Variants in BRI3 observed in about 807,000 individuals in gnomAD.
The protein encoded by BRI3 is membrane protein BRI3.
In BRI3, 6 loss-of-function variants were observed where a neutral mutation model predicts 12.8. The observed-to-expected ratio is 0.47, with a 90% CI of 0.26 to 0.93. The LOEUF is 0.93. Ranked by LOEUF, BRI3 falls within the 40% of genes least tolerant of loss-of-function variation. BRI3 has a pLI of 0.15. For synonymous variants in BRI3, 91 were observed against 76.1 expected (o/e 1.20, Z -1.02); for missense variants, 134 against 171.1 (o/e 0.78, Z 1.21).
the BRI3 span, chr7:98,317,175 A>G: frequency 1.9e-6 from 3 of 1,613,316 alleles, no homozygotes; most frequent in Non-Finnish European, 2.5e-6. Flanking sequence ...AACTGTGCAA[A>G]TTGTCAACAA....
intron 2 of BRI3, among the ~76,000 whole-genome samples, chr7:98,288,315 G>A (rs1799780439): frequency 6.6e-6 from 1 of 152,086 alleles, no homozygotes; most frequent in Admixed American, 6.5e-5. Flanking sequence ...CGACTGTGTG[G>A]TCTTGGGAGC....
At chr7:98,300,463 T>C (rs544606535) in intron 1 of BRI3, among the ~76,000 whole-genome samples, 20 of 152,330 alleles carry the variant, frequency 1.3e-4, no homozygotes, top group African/African-American at 4.1e-4. Context: ...CTGCATAGGA[T>C]GTTAGAATAA....
At chr7:98,287,332 C>T (rs1324633858) in intron 2 of BRI3, among the ~76,000 whole-genome samples, 1 of 152,210 alleles carries the variant, frequency 6.6e-6, no homozygotes, top group Non-Finnish European at 1.5e-5. Context: ...GGTCCCTGGA[C>T]TGAGGGGCTC....
downstream of BRI3, chr7:98,292,266 G>A (rs749760228): frequency 4.8e-5 from 13 of 270,430 alleles, no homozygotes; most frequent in East Asian, 9.9e-5. Flanking sequence ...GTGAGCGGCC[G>A]GGCTGGAGTG....
At chr7:98,289,133 T>G (rs1328870691) in intron 2 of BRI3, among the ~76,000 whole-genome samples, 1 of 152,098 alleles carries the variant, frequency 6.6e-6, no homozygotes, top group Non-Finnish European at 1.5e-5. Flanking sequence ...AATTTCTGTA[T>G]TTTTAGTAGA....
intron 2 of BRI3, among the ~76,000 whole-genome samples, chr7:98,289,177 C>T (rs1412909920): frequency 3.3e-5 from 5 of 152,256 alleles, no homozygotes; most frequent in East Asian, 3.9e-4. Context: ...AGGCTGGTCT[C>T]GAACTCCTGA....
chr7:98,289,514 T>A (rs1372255418), intron 2 of BRI3, among the ~76,000 whole-genome samples: 1 of 152,238 alleles, frequency 6.6e-6, no homozygotes, highest in Non-Finnish European at 1.5e-5. Flanking sequence ...CAGGTAGTCA[T>A]GCTTCCCTGT....
the BRI3 span, among the ~76,000 whole-genome samples, chr7:98,318,064 G>GCAGCAGCCAGCTGTTCACAGCT: frequency 3.9e-5 from 6 of 152,126 alleles, no homozygotes; most frequent in South Asian, 1.2e-3. Context: ...CATGCTGGCT[G>GCAGCAGCCAGCTGTTCACAGCT]GGACCCTCAA....
At chr7:98,293,134 A>G (rs926407290), downstream of BRI3, 3 of 354,492 alleles carry the variant, frequency 8.5e-6, no homozygotes, top group African/African-American at 4.3e-5. Context: ...CATGCTTTAT[A>G]AAATAAAACT....
Position 98,282,468 on chromosome 7 carries a change from A to C in BRI3, c.245+15A>C. The C allele has an allele frequency of 3.7e-6, 6 of 1,607,532 alleles. No homozygotes were observed. Among genetic ancestry groups the C allele is most frequent in the Non-Finnish European group, 5.1e-6 (6 of 1,174,218 alleles). ...CCTGTCTGCAGGTGAGTGGGTCTGC[A>C]GCCTGGGGACTGGCCCTGGAAGCTC... On this transcript the variant is annotated intron_variant, in intron 2 of 2. Transcript: ENST00000297290.
chr7:98,321,685 C>T, the BRI3 span, among the ~76,000 whole-genome samples: 1 of 152,170 alleles, frequency 6.6e-6, no homozygotes, highest in Admixed American at 6.5e-5. Flanking sequence ...GGTCTGACAC[C>T]TAAGAAATGG....
chr7:98,314,639 C>CCA (rs532488849), downstream of BRI3, among the ~76,000 whole-genome samples: 140 of 152,298 alleles, frequency 9.2e-4, 2 homozygotes, highest in African/African-American at 3.2e-3. Flanking sequence ...GGAACCAATA[C>CCA]CACCAAGAGG....
downstream of BRI3, chr7:98,312,166 T>C: frequency 1.2e-6 from 2 of 1,614,102 alleles, no homozygotes; most frequent in South Asian, 2.2e-5. Flanking sequence ...CTGGGGTCTT[T>C]ATTTCTTCGA....
At chr7:98,302,034 C>T (rs1410028003), upstream of BRI3, among the ~76,000 whole-genome samples, 1 of 152,130 alleles carries the variant, frequency 6.6e-6, no homozygotes, top group Non-Finnish European at 1.5e-5. Flanking sequence ...GTGCACCGTG[C>T]GCTGGCAGTC....
upstream of BRI3, chr7:98,306,363 T>C (rs765507923): frequency 6.5e-7 from 1 of 1,547,618 alleles, no homozygotes. Context: ...GCGACACAGC[T>C]AGATGGTGGT....
chr7:98,285,656 G>T (rs1434269343), intron 2 of BRI3, among the ~76,000 whole-genome samples: 1 of 152,216 alleles, frequency 6.6e-6, no homozygotes, highest in Non-Finnish European at 1.5e-5. Flanking sequence ...CACTGCTGGG[G>T]TGGGTGTGGT....
chr7:98,287,150 A>G (rs10237583), intron 2 of BRI3, among the ~76,000 whole-genome samples: 147,375 of 152,358 alleles, frequency 0.97, 71,468 homozygotes, highest in East Asian at 1. Flanking sequence ...CTCCTGGGAC[A>G]GCTGGATCTG....
At chr7:98,288,239 C>T (rs1030888767) in intron 2 of BRI3, among the ~76,000 whole-genome samples, 5 of 152,188 alleles carry the variant, frequency 3.3e-5, no homozygotes, top group Admixed American at 1.3e-4. Context: ...CCAGCTCCCC[C>T]GGAACCTGTC....
At chr7:98,304,911 G>C (rs1800582792), upstream of BRI3, among the ~76,000 whole-genome samples, 1 of 150,768 alleles carries the variant, frequency 6.6e-6, no homozygotes, top group African/African-American at 2.4e-5. Context: ...TATTGTCCAG[G>C]GTGGAGTGCA....
Sources: allele counts gnomAD v4.1 joint callset (sites outside exome capture counted in the v4.1 genomes callset), GRCh38; gene constraint gnomAD v4.1.1; transcripts MANE v1.5; gene names NCBI Gene and HGNC (gene_info 2026-07-23, HGNC 2026-07-21).